Variants in GBP5 observed in about 807,000 individuals in gnomAD.
GBP5 encodes the protein guanylate-binding protein 5.
GBP5 carries 48 observed loss-of-function variants against 58.2 expected under a neutral mutation model. The observed-to-expected ratio is 0.83, with a 90% confidence interval of 0.65 to 1.05. The LOEUF (loss-of-function observed/expected upper bound fraction) is 1.05. GBP5 is among the 50% of genes least tolerant of loss of function. The pLI is 0.00. For missense variants in GBP5, 714 were observed against 686.8 expected (o/e 1.04, Z -0.44); for synonymous variants, 248 against 251.8 (o/e 0.98, Z 0.14).
chr1:89,260,593 AAAT>A lies in GBP5; in HGVS notation c.*108_*110del. The A allele has an allele frequency of 1.4e-6, 1 of 696,324 alleles. No homozygotes were observed. The highest frequency in any genetic ancestry group is 1.9e-5 in the South Asian group (1 of 53,474). The allele number at this position is 696,324 out of a possible 1,614,324, so 43.1% of individuals were successfully genotyped here. A position where few individuals can be genotyped will look rare whatever the true frequency, so the allele number is the denominator to read the frequency against. On this transcript the variant is annotated 3_prime_UTR_variant, in exon 12 of 12. Transcript: ENST00000370459. ...TATAACTCTATATGAAAGTTTGAAA[AAAT>A]AATTATAAAGTTTATTTAAATGTTG... is the stretch of plus-strand genomic sequence containing the variant.
chr1:89,269,636 T>A, intron 2 of GBP5, 62 bp from the exon 3 acceptor site: 1 of 1,151,472 alleles, frequency 8.7e-7, no homozygotes, highest in Non-Finnish European at 1.3e-6. Context: ...GCAAAGGAAG[T>A]CATTTTGCTT....
rs201992761 is a variant in GBP5, at chr1:89,260,407, A to C, written c.*297T>G. On this transcript the variant is annotated 3_prime_UTR_variant, in exon 12 of 12. Transcript: ENST00000370459. ...ATTAGACAGATGACATTGAGATGCA[A>C]GGAAAGCATCTCCTGATGAAACCAT... 7 of 231,466 alleles carry C rather than the reference A, an allele frequency of 3.0e-5. No individual in the cohort carries two copies. In the East Asian group the frequency reaches 7.4e-4, roughly 25 times the overall value. 14.3% of individuals were successfully genotyped at this position (231,466 alleles called of 1,614,324 possible).
In GBP5 at chr1:89,264,770, G is replaced by A. The variant is rs2100720467; in HGVS notation, c.1065C>T (p.His355=). Residue 355 remains histidine (H), a synonymous_variant, in exon 8 of 12, where the codon CAC becomes CAT. Transcript: ENST00000370459. ...CAATGGCCTCCCTCTCACTGGTCCTGTGCAGGTCCAGCAGCTCCTGGAGGG... is the reference window on the plus strand; with the variant it reads ...CAATGGCCTCCCTCTCACTGGTCCTATGCAGGTCCAGCAGCTCCTGGAGGG... The part of the protein sequence containing the change: ...METLQELLDL[H]RTSEREAIEV... The A allele has an allele frequency of 6.2e-7, 1 of 1,614,182 alleles. No individual in the cohort carries two copies. Among genetic ancestry groups the A allele is most frequent in the Non-Finnish European group, 8.5e-7 (1 of 1,180,030 alleles).
intron 9 of GBP5, 175 bp downstream of exon 9, chr1:89,263,561 A>G (rs1650092037): frequency 1.8e-6 from 1 of 555,764 alleles, no homozygotes; most frequent in East Asian, 2.9e-5. Context: ...TGTGCGAGGA[A>G]CACCAACACC....
At chr1:89,268,936 A>C in intron 3 of GBP5, 80 bp from the exon 4 acceptor site, 1 of 1,442,996 alleles carries the variant, frequency 6.9e-7, no homozygotes. Flanking sequence ...GCTAGAGTTT[A>C]AGGAAAGCAA....
chr1:89,265,059 T>C, intron 7 of GBP5, 93 bp from the exon 8 acceptor site: 1 of 1,215,022 alleles, frequency 8.2e-7, no homozygotes, highest in East Asian at 2.4e-5. Flanking sequence ...AATAGTTGCA[T>C]TGCCTGAAAT....
intron 4 of GBP5, among the ~76,000 whole-genome samples, chr1:89,268,162 G>A (rs1650299120): frequency 6.6e-6 from 1 of 152,208 alleles, no homozygotes; most frequent in African/African-American, 2.4e-5. Context: ...AATCAATTAT[G>A]ATGGGAGTAT....
chr1:89,262,134 C>G, intron 11 of GBP5, 86 bp downstream of exon 11: 1 of 1,328,510 alleles, frequency 7.5e-7, no homozygotes, highest in Non-Finnish European at 1.1e-6. Context: ...CTGAGAGCCA[C>G]AAGATCTTGC....
intron 1 of GBP5, chr1:89,272,172 T>C (rs1650482666): frequency 6.6e-6 from 1 of 152,228 alleles, no homozygotes; most frequent in South Asian, 2.1e-4. Flanking sequence ...AAGTGGAAAT[T>C]ATGATCCTGA....
At chr1:89,266,724 G>A in intron 6 of GBP5, 136 bp from the exon 7 acceptor site, 1 of 870,184 alleles carries the variant, frequency 1.1e-6, no homozygotes, top group Non-Finnish European at 1.7e-6. Flanking sequence ...AAAGCAAAAT[G>A]GTAACTAATC....
intron 11 of GBP5, chr1:89,262,000 C>T (rs1026668989): frequency 2.0e-5 from 11 of 559,524 alleles, no homozygotes; most frequent in Non-Finnish European, 3.5e-5. Context: ...GATATCATCA[C>T]TGTGTCCATT....
chr1:89,260,535 T>A lies in GBP5; in HGVS notation c.*169A>T. The A allele has an allele frequency of 1.8e-6, 1 of 560,614 alleles. No homozygotes were observed. Among genetic ancestry groups the A allele is most frequent in the East Asian group, 2.9e-5 (1 of 33,946 alleles). 34.7% of individuals were successfully genotyped at this position (560,614 alleles called of 1,614,324 possible). A position where few individuals can be genotyped will look rare whatever the true frequency, so the allele number is the denominator to read the frequency against. On this transcript the variant is annotated 3_prime_UTR_variant, in exon 12 of 12. Coordinates refer to ENST00000370459, the MANE Select transcript of GBP5 (RefSeq NM_052942.5). ...CATTTAAACTATTGGACTACTGGGATGTACATTTTACCAGATACCAGCATC... is the reference window on the plus strand; with the variant it reads ...CATTTAAACTATTGGACTACTGGGAAGTACATTTTACCAGATACCAGCATC...
rs1441501475 is a variant in GBP5 at position 89,258,558 on chromosome 1, A to G, written c.*2146T>C. ...ATACTGCTGAGTAGCACCACATCCT[A>G]TCTGATATGAAAAATTCCTCATATT... is the stretch of plus-strand genomic sequence containing the variant. On this transcript the variant is annotated 3_prime_UTR_variant, in exon 12 of 12. Transcript: ENST00000370459. 6.6e-6 allele frequency among the ~76,000 whole-genome samples: 1 copy of G among 152,188 alleles called. No homozygotes were observed. Among genetic ancestry groups the G allele is most frequent in the Non-Finnish European group, 1.5e-5 (1 of 68,030 alleles).
rs1478656845 is a variant in GBP5 at position 89,266,974 on chromosome 1, G to A, written c.608C>T (p.Ser203Phe). ...LVTPDEYLEN[S>F]LRPKQGSDQR... ...CCTGTTACCTTGCTTTGGCCTTAGGGAATTCTCCAGGTATTCATCTGGTGT... is the reference window on the plus strand; with the variant it reads ...CCTGTTACCTTGCTTTGGCCTTAGGAAATTCTCCAGGTATTCATCTGGTGT... Residue 203 changes from serine (S) to phenylalanine (F), a missense_variant, in exon 6 of 12, where the codon TCC becomes TTC. Coordinates refer to ENST00000370459, the MANE Select transcript of GBP5 (RefSeq NM_052942.5). 1.2e-6 allele frequency: 2 copies of A among 1,604,066 alleles called. No individual in the cohort carries two copies. The highest frequency in any genetic ancestry group is 1.1e-5 in the South Asian group (1 of 88,282).
At chr1:89,262,931 A>C in intron 9 of GBP5, 146 bp from the exon 10 acceptor site, 1 of 538,904 alleles carries the variant, frequency 1.9e-6, no homozygotes, top group African/African-American at 2.0e-5. Context: ...GGTGGAGCCT[A>C]TACAGGCTTC....
At position 89,262,302 on chromosome 1, in the gene GBP5, T is replaced by G. The variant is rs1226822129; in HGVS notation, c.1565A>C (p.His522Pro). The change falls in exon 11 of 12, where the codon CAT (histidine) becomes CCT (proline). Residue 522 changes from histidine to proline, a missense_variant. By Grantham distance (77) the His-to-Pro change is moderately conservative (BLOSUM62 -2). Coordinates refer to ENST00000370459, the MANE Select transcript of GBP5 (RefSeq NM_052942.5). ...EQMMQERERL[H>P]QEQVRQMEIA... ...CTCCATTTGTCTCACTTGTTCCTGA[T>G]GGAGTCTCTCCCTCTCCTGCATCAT... The G allele has an allele frequency of 1.9e-6, 3 of 1,614,170 alleles. No individual in the cohort carries two copies. The highest frequency in any genetic ancestry group is 8.5e-7 in the Non-Finnish European group (1 of 1,179,966).
Position 89,262,804 on chromosome 1 carries a change from T to A in GBP5, c.1363-19A>T, listed in dbSNP as rs1477037712. Reference sequence around the variant, plus strand: ...CTTCAGCCTAGCAACCCGGAAAACATGCAGTTAGATGCAGGAAATGGTGAT... The same window carrying A: ...CTTCAGCCTAGCAACCCGGAAAACAAGCAGTTAGATGCAGGAAATGGTGAT... On this transcript the variant is annotated intron_variant, in intron 9 of 11. Coordinates refer to ENST00000370459, the MANE Select transcript of GBP5 (RefSeq NM_052942.5). 1.5e-6 allele frequency: 2 copies of A among 1,313,462 alleles called. No homozygotes were observed. Among genetic ancestry groups the A allele is most frequent in the Admixed American group, 2.2e-5 (1 of 44,676 alleles). 81.4% of individuals were successfully genotyped at this position (1,313,462 alleles called of 1,614,324 possible). A position where few individuals can be genotyped will look rare whatever the true frequency, so the allele number is the denominator to read the frequency against.
intron 4 of GBP5, among the ~76,000 whole-genome samples, chr1:89,268,455 AG>A (rs1650311396): frequency 6.6e-6 from 1 of 152,220 alleles, no homozygotes; most frequent in South Asian, 2.1e-4. Flanking sequence ...CTACAGGATC[AG>A]GCTTGTAACA....
intron 10 of GBP5, 51 bp downstream of exon 10, chr1:89,262,629 ATTT>A: frequency 7.5e-7 from 1 of 1,325,856 alleles, no homozygotes; most frequent in East Asian, 2.3e-5. Context: ...GGCCAAATTT[ATTT>A]AAAATTTATA....
Sources: gnomAD v4.1 joint callset for allele counts (sites outside exome capture counted in the v4.1 genomes callset) on GRCh38, gnomAD v4.1.1 for gene constraint, MANE v1.5 for transcripts, NCBI Gene and HGNC (gene_info 2026-07-23, HGNC 2026-07-21) for gene names.